The following GARNL3 variants were observed in gnomAD, a reference collection of about 807,000 sequenced individuals.
GARNL3 encodes GTPase activating Rap/RanGAP domain like 3.
GARNL3 carries 63 observed loss-of-function variants against 125.0 expected under a neutral mutation model. The ratio of observed to expected loss-of-function variants is 0.50; its 90% confidence interval spans 0.41 to 0.62. The LOEUF (loss-of-function observed/expected upper bound fraction) is 0.62, where lower values mean the gene tolerates loss of function less well. GARNL3 is among the 20% of genes least tolerant of loss of function. The probability of loss-of-function intolerance (pLI) is 0.00; values close to 1 mark genes in which losing one functional copy is unlikely to be tolerated. For missense variants in GARNL3, 994 were observed against 1,244.0 expected, an observed-to-expected ratio of 0.80 and a Z score of 3.02; for synonymous variants, 439 against 457.5, an observed-to-expected ratio of 0.96 and a Z score of 0.52.
At chr9:127,230,966 G>A (rs2062989918) in intron 1 of GARNL3, among the ~76,000 whole-genome samples, 1 of 144,470 alleles carries the variant, frequency 6.9e-6, no homozygotes, top group African/African-American at 2.6e-5. Flanking sequence ...ATATATATGT[G>A]TGTGTGTGTG....
chr9:127,347,077 A>G (rs569287011), intron 16 of GARNL3, among the ~76,000 whole-genome samples: 2 of 152,104 alleles, frequency 1.3e-5, no homozygotes, highest in Non-Finnish European at 2.9e-5. Context: ...CAGACCTCAC[A>G]TGGTCACTGG....
At chr9:127,233,995 G>A (rs143665770) in intron 1 of GARNL3, among the ~76,000 whole-genome samples, 22 of 151,988 alleles carry the variant, frequency 1.4e-4, no homozygotes, top group African/African-American at 5.3e-4. Flanking sequence ...TCTGTGTTCC[G>A]TTATTACTTT....
chr9:127,356,751 TG>T (rs1830708850), intron 20 of GARNL3, among the ~76,000 whole-genome samples: 1 of 152,236 alleles, frequency 6.6e-6, no homozygotes, highest in Non-Finnish European at 1.5e-5. Flanking sequence ...CTCTACCCTG[TG>T]TAAACTTTGT....
At chr9:127,303,582 ATC>A (rs2064863023) in intron 2 of GARNL3, among the ~76,000 whole-genome samples, 1 of 152,216 alleles carries the variant, frequency 6.6e-6, no homozygotes, top group Non-Finnish European at 1.5e-5. Context: ...CTGCCATGTT[ATC>A]TCAGCAGTTT....
rs561680827 is a variant in GARNL3, at chr9:127,302,029, G to A, written c.220-9607G>A. On this transcript the variant is annotated intron_variant, in intron 2 of 27. Coordinates refer to ENST00000373387, the MANE Select transcript of GARNL3 (RefSeq NM_032293.5). ...GTGATCTCGGCTCACTGCAAGCTCC[G>A]CCTCCTGGGTTCACGCCATTCTCCT... Among the ~76,000 whole-genome samples the A allele has an allele frequency of 3.5e-3, 457 of 129,760 alleles. 1 individual carries two copies. The highest frequency in any genetic ancestry group is 4.8e-3 in the Non-Finnish European group (312 of 64,424). 85.1% of individuals were successfully genotyped at this position (129,760 alleles called of 152,430 possible).
intron 22 of GARNL3, among the ~76,000 whole-genome samples, chr9:127,373,396 G>A (rs1831712067): frequency 6.6e-6 from 1 of 152,216 alleles, no homozygotes; most frequent in Non-Finnish European, 1.5e-5. Context: ...ATAACTTTAA[G>A]TGGCTGAGTT....
intron 1 of GARNL3, among the ~76,000 whole-genome samples, chr9:127,289,936 T>G (rs1290577691): frequency 1.3e-5 from 2 of 152,208 alleles, no homozygotes; most frequent in Non-Finnish European, 2.9e-5. Context: ...ATCACGGACA[T>G]TCTCTGGAAG....
chr9:127,300,920 G>T, intron 2 of GARNL3: 1 of 223,328 alleles, frequency 4.5e-6, no homozygotes, highest in South Asian at 5.9e-5. Context: ...CATCTAACTC[G>T]GCCCTGTTCC....
At chr9:127,371,244 T>C (rs1209564433) in intron 22 of GARNL3, among the ~76,000 whole-genome samples, 1 of 152,222 alleles carries the variant, frequency 6.6e-6, no homozygotes, top group Non-Finnish European at 1.5e-5. Context: ...TGGCTCCGTC[T>C]TAGAGCAACC....
chr9:127,370,775 T>G (rs188654012), intron 22 of GARNL3, among the ~76,000 whole-genome samples: 1 of 152,318 alleles, frequency 6.6e-6, no homozygotes, highest in Non-Finnish European at 1.5e-5. Context: ...CAGTCACCCC[T>G]TAAACGCTGG....
intron 22 of GARNL3, among the ~76,000 whole-genome samples, chr9:127,366,298 T>C (rs1268028949): frequency 3.9e-5 from 6 of 152,238 alleles, no homozygotes; most frequent in Admixed American, 2.0e-4. Flanking sequence ...AGAAGGTGGT[T>C]AAACCTCTTC....
intron 22 of GARNL3, among the ~76,000 whole-genome samples, chr9:127,374,565 G>A (rs1041332137): frequency 1.3e-5 from 2 of 152,008 alleles, no homozygotes; most frequent in East Asian, 3.9e-4. Flanking sequence ...AAATGAAAAG[G>A]CAAGGCACAG....
chr9:127,303,123 C>A (rs1187474514), intron 2 of GARNL3, among the ~76,000 whole-genome samples: 1 of 152,034 alleles, frequency 6.6e-6, no homozygotes, highest in Non-Finnish European at 1.5e-5. Context: ...TGTACTCCAG[C>A]CTGGGCGACA....
intron 21 of GARNL3, among the ~76,000 whole-genome samples, chr9:127,359,861 A>G (rs745378830): frequency 6.6e-6 from 1 of 152,046 alleles, no homozygotes; most frequent in Non-Finnish European, 1.5e-5. Flanking sequence ...ATTTGTAAAG[A>G]CCCTGGATAA....
intron 5 of GARNL3, among the ~76,000 whole-genome samples, chr9:127,319,442 A>C (rs1015848255): frequency 6.6e-6 from 1 of 152,196 alleles, no homozygotes; most frequent in South Asian, 2.1e-4. Context: ...AGACCATGCT[A>C]TTGCACTCTA....
At chr9:127,231,826 T>C (rs867263500) in intron 1 of GARNL3, among the ~76,000 whole-genome samples, 1 of 152,214 alleles carries the variant, frequency 6.6e-6, no homozygotes, top group Non-Finnish European at 1.5e-5. Flanking sequence ...GGAGGGCTTC[T>C]TAAAACACAG....
intron 22 of GARNL3, among the ~76,000 whole-genome samples, chr9:127,375,238 A>G (rs1831833460): frequency 6.6e-6 from 1 of 152,176 alleles, no homozygotes; most frequent in Admixed American, 6.5e-5. Context: ...CAAGGCAGGC[A>G]GATCACCTAA....
At chr9:127,371,389 CTA>C (rs911719886) in intron 22 of GARNL3, among the ~76,000 whole-genome samples, 3 of 152,186 alleles carry the variant, frequency 2.0e-5, no homozygotes, top group African/African-American at 7.2e-5. Context: ...TAGGAAATCT[CTA>C]TGTGATTTCC....
chr9:127,246,652 A>G (rs2063308856), intron 2 of GARNL3, among the ~76,000 whole-genome samples: 1 of 152,132 alleles, frequency 6.6e-6, no homozygotes, highest in Admixed American at 6.5e-5. Context: ...CTAAAAATAC[A>G]AAAAATCAGC....
Sources: gnomAD v4.1 joint callset for allele counts (sites outside exome capture counted in the v4.1 genomes callset) on GRCh38, gnomAD v4.1.1 for gene constraint, MANE v1.5 for transcripts, NCBI Gene and HGNC (gene_info 2026-07-23, HGNC 2026-07-21) for gene names.